The following CBL variants were observed in gnomAD, a reference collection of about 807,000 sequenced individuals.
The protein encoded by CBL is Cbl proto-oncogene.
CBL carries 45 observed loss-of-function variants against 96.9 expected under a neutral mutation model. The observed-to-expected ratio is 0.46, with a 90% CI of 0.37 to 0.60. The LOEUF (loss-of-function observed/expected upper bound fraction) is 0.60, where lower values mean the gene tolerates loss of function less well. Among genes scored for constraint, CBL ranks in the 20% least tolerant of loss-of-function variants. The probability of loss-of-function intolerance (pLI) is 0.00; values close to 1 mark genes in which losing one functional copy is unlikely to be tolerated. For synonymous variants in CBL, 420 were observed against 426.8 expected, an observed-to-expected ratio of 0.98 and a Z score of 0.20; for missense variants, 1,024 against 1,143.5, an observed-to-expected ratio of 0.90 and a Z score of 1.51.
At chr11:119,263,434 G>C (rs1949769956) in intron 2 of CBL, among the ~76,000 whole-genome samples, 1 of 152,176 alleles carries the variant, frequency 6.6e-6, no homozygotes, top group African/African-American at 2.4e-5. Context: ...TGGTGAGTTA[G>C]ATGTGTCCCC....
intron 6 of CBL, 136 bp from the exon 7 acceptor site, chr11:119,277,621 T>C (rs1949899680): frequency 3.0e-6 from 2 of 663,068 alleles, no homozygotes; most frequent in Non-Finnish European, 5.5e-6. Context: ...TATTTTTTTT[T>C]TGAAGTAAGA....
Position 119,301,497 on chromosome 11 carries a change from C to T in CBL, c.*1716C>T, listed in dbSNP as rs1950101595. On this transcript the variant is annotated 3_prime_UTR_variant, in exon 16 of 16. Transcript: ENST00000264033. ...CTAAATCATGCTTTTGTCTTTAGATCTACACAGAAATGACCCTCCTTGGAT... is the reference window on the plus strand; with the variant it reads ...CTAAATCATGCTTTTGTCTTTAGATTTACACAGAAATGACCCTCCTTGGAT... The T allele has an allele frequency of 4.3e-6, 1 of 233,138 alleles. No individual in the cohort carries two copies. Among genetic ancestry groups the T allele is most frequent in the Non-Finnish European group, 8.5e-6 (1 of 118,028 alleles). The allele number at this position is 233,138 out of a possible 1,614,324, so 14.4% of individuals were successfully genotyped here. A position where few individuals can be genotyped will look rare whatever the true frequency, so the allele number is the denominator to read the frequency against.
At chr11:119,214,080 G>A (rs993143735) in intron 1 of CBL, among the ~76,000 whole-genome samples, 2 of 152,128 alleles carry the variant, frequency 1.3e-5, no homozygotes, top group Admixed American at 1.3e-4. Flanking sequence ...GAGTAGCTGG[G>A]ACTACAGGTG....
chr11:119,247,760 C>T (rs999615141), intron 2 of CBL, among the ~76,000 whole-genome samples: 2 of 152,080 alleles, frequency 1.3e-5, no homozygotes, highest in Non-Finnish European at 2.9e-5. Context: ...TGCAGTGAGT[C>T]GAGATCATGC....
At chr11:119,271,162 A>T (rs1592397050) in intron 2 of CBL, among the ~76,000 whole-genome samples, 1 of 152,380 alleles carries the variant, frequency 6.6e-6, no homozygotes, top group East Asian at 1.9e-4. Context: ...TACTTGATAA[A>T]TACACCTGCA....
chr11:119,281,772 C>G (rs1565873228), intron 9 of CBL, among the ~76,000 whole-genome samples: 1 of 152,090 alleles, frequency 6.6e-6, no homozygotes. Flanking sequence ...GCTGGGATTA[C>G]AGGTGTGAGC....
Position 119,274,968 on chromosome 11 carries a change from G to C in CBL, c.869+15G>C. 1 of 1,610,494 alleles carries C rather than the reference G, an allele frequency of 6.2e-7. No homozygotes were observed. On this transcript the variant is annotated intron_variant, in intron 5 of 15. Transcript: ENST00000264033. ...AAACCTGGCAGGTCAGTTCAATGAC[G>C]CAAAGAGATTTATTCTTCTGAATTT...
chr11:119,252,884 GA>G (rs760152540), intron 2 of CBL, among the ~76,000 whole-genome samples: 2,928 of 68,532 alleles, frequency 0.043, 75 homozygotes, highest in African/African-American at 0.12. Flanking sequence ...TCCATCTCAA[GA>G]AAAAAAAAAA....
intron 1 of CBL, among the ~76,000 whole-genome samples, chr11:119,231,830 G>GTAATCCCA (rs1949503817): frequency 6.6e-6 from 1 of 151,712 alleles, no homozygotes; most frequent in Admixed American, 6.6e-5. Context: ...GGGTCAGGCT[G>GTAATCCCA]GACACAGTGG....
intron 9 of CBL, among the ~76,000 whole-genome samples, chr11:119,283,625 CTTTTTTTTTTTTTT>C (rs398017760): frequency 2.0e-4 from 9 of 45,530 alleles, no homozygotes; most frequent in African/African-American, 4.7e-4. Flanking sequence ...TTAATTCTTT[CTTTTTTTTTTTTTT>C]TTTTTTTTTT....
chr11:119,290,220 A>AT (rs1950015267), intron 12 of CBL, among the ~76,000 whole-genome samples: 1 of 151,930 alleles, frequency 6.6e-6, no homozygotes, highest in African/African-American at 2.4e-5. Flanking sequence ...TAATTTTTGC[A>AT]TTTTTTGTGG....
At chr11:119,242,232 T>G (rs557094052) in intron 2 of CBL, among the ~76,000 whole-genome samples, 1 of 152,040 alleles carries the variant, frequency 6.6e-6, no homozygotes, top group Non-Finnish European at 1.5e-5. Context: ...GGAGGATCAG[T>G]GGAGGCCAAG....
intron 2 of CBL, among the ~76,000 whole-genome samples, chr11:119,256,024 T>C (rs1405719728): frequency 6.6e-6 from 1 of 151,304 alleles, no homozygotes; most frequent in Non-Finnish European, 1.5e-5. Context: ...CATGAGCCAC[T>C]GCACCTGGCC....
At chr11:119,274,806 G>A (rs775272955) in intron 4 of CBL, 26 bp from the exon 5 acceptor site, 9 of 1,597,598 alleles carry the variant, frequency 5.6e-6, no homozygotes, top group Non-Finnish European at 7.7e-6. Context: ...GACCTGAATA[G>A]TCTGTGATTG....
At position 119,271,813 on chromosome 11, in the gene CBL, T is replaced by A. The variant is rs727502912; in HGVS notation, c.522T>A (p.Phe174Leu). 6.2e-7 allele frequency: 1 copy of A among 1,614,064 alleles called. No individual in the cohort carries two copies. The highest frequency in any genetic ancestry group is 2.2e-5 in the East Asian group (1 of 44,862). Residue 174 changes from phenylalanine (F) to leucine (L), a missense_variant, in exon 3 of 16, where the codon TTT becomes TTA. Transcript: ENST00000264033. ...ELKGIFPSGL[F>L]QGDTFRITKA... ...AAGGAATCTTTCCAAGTGGACTCTT[T>A]CAGGGAGACACATTTCGGATTACTA...
At chr11:119,261,652 A>G (rs1949755025) in intron 2 of CBL, among the ~76,000 whole-genome samples, 2 of 152,206 alleles carry the variant, frequency 1.3e-5, no homozygotes, top group East Asian at 1.9e-4. Flanking sequence ...AGTAGTAACC[A>G]GTACTGAGGG....
intron 2 of CBL, among the ~76,000 whole-genome samples, chr11:119,237,137 CATAAT>C (rs1949552485): frequency 6.6e-6 from 1 of 152,162 alleles, no homozygotes; most frequent in South Asian, 2.1e-4. Context: ...AGTGAGAAAA[CATAAT>C]ATACACAGGG....
At chr11:119,256,935 A>G (rs1417200197) in intron 2 of CBL, among the ~76,000 whole-genome samples, 1 of 152,186 alleles carries the variant, frequency 6.6e-6, no homozygotes, top group Non-Finnish European at 1.5e-5. Flanking sequence ...TCCATGGTGT[A>G]TATATTAATG....
At chr11:119,290,425 C>A (rs536830642) in intron 12 of CBL, among the ~76,000 whole-genome samples, 1 of 150,552 alleles carries the variant, frequency 6.6e-6, no homozygotes, top group Admixed American at 6.6e-5. Context: ...GAGGCCAAGG[C>A]GGGTGGATCA....
Sources: gnomAD v4.1 joint callset for allele counts (sites outside exome capture counted in the v4.1 genomes callset) on GRCh38, gnomAD v4.1.1 for gene constraint, MANE v1.5 for transcripts, NCBI Gene and HGNC (gene_info 2026-07-23, HGNC 2026-07-21) for gene names.